HUWE1: variants seen among roughly 807,000 people sequenced by gnomAD.
HUWE1 encodes the protein HECT, UBA and WWE domain containing E3 ubiquitin protein ligase 1.
HUWE1 carries 18 observed loss-of-function variants against 299.4 expected under a neutral mutation model. The observed-to-expected ratio is 0.06, with a 90% confidence interval of 0.04 to 0.09. HUWE1 has a LOEUF of 0.09. HUWE1 is among the 10% of genes least tolerant of loss of function. The pLI, the probability that HUWE1 is intolerant of heterozygous loss-of-function variation, is 1.00. For missense variants in HUWE1, 1,832 were observed against 3,462.3 expected, an observed-to-expected ratio of 0.53 and a Z score of 11.82; for synonymous variants, 1,317 against 1,286.1, an observed-to-expected ratio of 1.02 and a Z score of -0.51.
At chrX:53,572,143 T>C (rs782094281) in intron 47 of HUWE1, among the ~76,000 whole-genome samples, 106 of 112,027 alleles carry the variant, frequency 9.5e-4, no homozygotes, top group Non-Finnish European at 1.7e-3. Flanking sequence ...AAACTTCACC[T>C]GCACACAAAA....
intron 2 of HUWE1, 128 bp from the exon 3 acceptor site, chrX:53,680,314 A>C: frequency 3.6e-6 from 1 of 278,265 alleles, no homozygotes; most frequent in Non-Finnish European, 6.3e-6. Flanking sequence ...TAGTCCTTAC[A>C]TATCTATTTG....
In HUWE1 at chrX:53,584,995, GGTGA is replaced by G. The variant is rs782396016; in HGVS notation, c.5001+13_5001+16del. The G allele has an allele frequency of 8.3e-6, 10 of 1,210,644 alleles. No individual in the cohort carries two copies. The Admixed American group carries it at 2.2e-4, about 26-fold the overall frequency. ...TGTGGTCCACGGGTTAGACAAGCTT[GGTGA>G]GTGAGCATGTACCTGCACCATTGTA... is the stretch of plus-strand genomic sequence containing the variant. On this transcript the variant is annotated intron_variant, in intron 40 of 83. Coordinates refer to ENST00000262854, the MANE Select transcript of HUWE1 (RefSeq NM_031407.7).
At chrX:53,632,147 T>C (rs1557023279) in intron 9 of HUWE1, 2 of 328,012 alleles carry the variant, frequency 6.1e-6, no homozygotes, top group Admixed American at 8.9e-5. Context: ...ATAAAGACTT[T>C]TGCAGGCTTC....
intron 23 of HUWE1, among the ~76,000 whole-genome samples, chrX:53,609,631 C>T (rs1273662746): frequency 8.9e-6 from 1 of 111,845 alleles, no homozygotes; most frequent in Non-Finnish European, 1.9e-5. Context: ...CAGCTCAATG[C>T]AAAAAACTAC....
chrX:53,535,998 G>T, intron 80 of HUWE1, 149 bp downstream of exon 80: 1 of 314,227 alleles, frequency 3.2e-6, no homozygotes, highest in Non-Finnish European at 6.0e-6. Flanking sequence ...TGTTTGTGAT[G>T]TCACTCACAA....
Position 53,607,586 on chromosome X carries a change from C to T in HUWE1, c.2433G>A (p.Leu811=). The change falls in exon 25 of 84, where the codon CTG becomes CTA. Residue 811 remains leucine, a synonymous_variant. Coordinates refer to ENST00000262854, the MANE Select transcript of HUWE1 (RefSeq NM_031407.7). ...CAGCAGATGTGGGAAAGTCAATGGG[C>T]AGATTGGGAAGACCCAAAATGGTAA... ...PLVTILGLPN[L]PIDFPTSAAC... 1.7e-6 allele frequency: 2 copies of T among 1,210,999 alleles called. No homozygotes were observed. Among genetic ancestry groups the T allele is most frequent in the Non-Finnish European group, 2.2e-6 (2 of 894,639 alleles).
chrX:53,604,420 T>C (rs782554832), intron 26 of HUWE1, among the ~76,000 whole-genome samples, 169 bp downstream of exon 26: 2 of 112,024 alleles, frequency 1.8e-5, no homozygotes, highest in Non-Finnish European at 3.8e-5. Flanking sequence ...ATAAGTTATA[T>C]AGTCACTCAA....
chrX:53,580,716 T>C (rs1556966340), intron 43 of HUWE1, 115 bp downstream of exon 43: 3 of 693,437 alleles, frequency 4.3e-6, no homozygotes, highest in Non-Finnish European at 6.7e-6. Flanking sequence ...CCAGCAAATG[T>C]CCTAATACTT....
intron 36 of HUWE1, 105 bp downstream of exon 36, chrX:53,589,442 A>AT (rs1484628660): frequency 2.7e-6 from 2 of 734,099 alleles, no homozygotes; most frequent in East Asian, 6.3e-5. Context: ...GAATATACCC[A>AT]TATCAGGTAG....
chrX:53,604,968 T>C, intron 25 of HUWE1, 134 bp from the exon 26 acceptor site: 2 of 559,022 alleles, frequency 3.6e-6, no homozygotes, highest in Admixed American at 3.1e-5. Context: ...GTCTCTCACC[T>C]GGTAAATGGT....
intron 25 of HUWE1, among the ~76,000 whole-genome samples, chrX:53,607,050 T>G (rs150337023): frequency 3.4e-3 from 381 of 111,523 alleles, no homozygotes; most frequent in African/African-American, 0.012. Context: ...CAATTATGCT[T>G]AAAATACATG....
At position 53,533,351 on chromosome X, in the gene HUWE1, C is replaced by T; in HGVS notation, c.13083G>A (p.Leu4361=). 2 of 1,208,931 alleles carry T rather than the reference C, an allele frequency of 1.7e-6. No individual in the cohort carries two copies. Among genetic ancestry groups the T allele is most frequent in the East Asian group, 3.0e-5 (1 of 33,834 alleles). ...CTTCAGAGCACTCCTGGATAGCCAA[C>T]AGTAGCATGTGGCGGAGCTTCTCAA... ...ESFEKLRHML[L]LAIQECSEGF... The change falls in exon 84 of 84, where the codon CTG becomes CTA. Residue 4361 remains leucine, a synonymous_variant. Coordinates refer to ENST00000262854, the MANE Select transcript of HUWE1 (RefSeq NM_031407.7).
rs2062070167 is a variant in HUWE1, at chrX:53,557,395, T to G, written c.8193A>C (p.Glu2731Asp). ...CTASKSNDST[E>D]QNLSDGTPMP... The stretch of plus-strand genomic sequence containing the variant: ...AAGGAGAGTTACCTGAGAGATTCTG[T>G]TCAGTGGAGTCATTTGACTTAGATG... The change falls in exon 60 of 84, where the codon GAA (glutamate) becomes GAC (aspartate). Residue 2731 changes from glutamate to aspartate, a missense_variant. Physicochemically the swap from Glu to Asp is conservative, Grantham distance 45 (BLOSUM62 2). Coordinates refer to ENST00000262854, the MANE Select transcript of HUWE1 (RefSeq NM_031407.7). 3.3e-6 allele frequency: 4 copies of G among 1,207,084 alleles called. No individual in the cohort carries two copies. Among genetic ancestry groups the G allele is most frequent in the Non-Finnish European group, 3.4e-6 (3 of 892,425 alleles).
At chrX:53,537,777 A>T in intron 77 of HUWE1, 81 bp from the exon 78 acceptor site, 1 of 969,287 alleles carries the variant, frequency 1.0e-6, no homozygotes, top group Non-Finnish European at 1.4e-6. Context: ...GAAGACCCAC[A>T]ATGATGCTCC....
intron 80 of HUWE1, among the ~76,000 whole-genome samples, chrX:53,535,738 G>C (rs1761161228): frequency 9.0e-6 from 1 of 111,477 alleles, no homozygotes; most frequent in Non-Finnish European, 1.9e-5. Flanking sequence ...AGGCAGAAGA[G>C]AGTAAGGCAA....
chrX:53,565,095 T>G lies in HUWE1; in HGVS notation c.6852A>C (p.Gln2284His). ...GGTCCTGCTGGTTGCTACTGGAATC[T>G]TGAGAGGCTCCTTGGGCATCCTGCT... ...KSEQDAQGAS[Q>H]DSSSNQQDPG... Residue 2284 changes from glutamine (Q) to histidine (H), a missense_variant, in exon 50 of 84, where the codon CAA (glutamine) becomes CAC (histidine). Around this residue, in one of 15 missense-constraint regions of HUWE1, gnomAD observed 26 missense variants for 20.7 expected, o/e 1.26. Transcript: ENST00000262854. The G allele has an allele frequency of 4.1e-6, 5 of 1,211,793 alleles. No individual in the cohort carries two copies. The highest frequency in any genetic ancestry group is 5.6e-6 in the Non-Finnish European group (5 of 895,419).
chrX:53,653,594 GTTAAGCTGAATTGTGTGATTAAGA>G (rs2068602702), intron 4 of HUWE1, among the ~76,000 whole-genome samples: 1 of 112,218 alleles, frequency 8.9e-6, no homozygotes, highest in South Asian at 3.7e-4. Context: ...CAATACACAA[GTTAAGCTGAATTGTGTGATTAAGA>G]ATCAGTAATA....
rs782375893 is a variant in HUWE1, at chrX:53,550,683, ACCC to A, written c.9468_9470del (p.Gly3157del). On this transcript the variant is annotated inframe_deletion, in exon 66 of 84. Transcript: ENST00000262854. ...AAAGGTACCTGTTATGGCTGCTGCT[ACCC>A]CCCATCTGGAAGGTGCCACCTCTCT... 21 of 1,208,160 alleles carry A rather than the reference ACCC, an allele frequency of 1.7e-5. No homozygotes were observed. Among genetic ancestry groups the A allele is most frequent in the Admixed American group, 4.4e-5 (2 of 45,628 alleles).
chrX:53,625,429 G>A, intron 17 of HUWE1, 171 bp from the exon 18 acceptor site: 4 of 385,299 alleles, frequency 1.0e-5, no homozygotes, highest in Non-Finnish European at 1.8e-5. Flanking sequence ...CTTTGAAATT[G>A]GAAAAATTAC....
Sources: allele counts gnomAD v4.1 joint callset (sites outside exome capture counted in the v4.1 genomes callset), GRCh38; gene constraint gnomAD v4.1.1; regional missense constraint gnomAD v4.1.1; transcripts MANE v1.5; gene names NCBI Gene and HGNC (gene_info 2026-07-23, HGNC 2026-07-21).